SUZ12: variants seen among roughly 807,000 people sequenced by gnomAD.
The protein encoded by SUZ12 is polycomb protein SUZ12.
In SUZ12, 17 loss-of-function variants were observed where a neutral mutation model predicts 87.3. The ratio of observed to expected loss-of-function variants is 0.19; its 90% CI spans 0.13 to 0.29. The LOEUF (loss-of-function observed/expected upper bound fraction) is 0.29, where lower values mean the gene tolerates loss of function less well. SUZ12 is among the 10% of genes least tolerant of loss of function. SUZ12 has a pLI of 1.00. For missense variants in SUZ12, 526 were observed against 912.2 expected, an observed-to-expected ratio of 0.58 and a Z score of 5.45; for synonymous variants, 253 against 312.4, an observed-to-expected ratio of 0.81 and a Z score of 2.01.
intron 9 of SUZ12, among the ~76,000 whole-genome samples, chr17:31,983,760 G>A (rs2142195712): frequency 6.6e-6 from 1 of 152,296 alleles, no homozygotes; most frequent in Middle Eastern, 3.4e-3. Context: ...CATACAATAA[G>A]TGCTCAATAA....
At chr17:31,994,825 T>TG in intron 13 of SUZ12, 104 bp downstream of exon 13, 1 of 1,290,134 alleles carries the variant, frequency 7.8e-7, no homozygotes, top group South Asian at 1.5e-5. Flanking sequence ...GTGGAAATTA[T>TG]TATTTTTCAG....
At chr17:31,956,636 C>T (rs1006837119) in intron 4 of SUZ12, among the ~76,000 whole-genome samples, 4 of 152,028 alleles carry the variant, frequency 2.6e-5, no homozygotes, top group African/African-American at 9.7e-5. Flanking sequence ...GAGATATCAC[C>T]GAAAACCCTC....
chr17:31,948,077 C>G (rs1906737702), intron 4 of SUZ12, among the ~76,000 whole-genome samples: 1 of 152,098 alleles, frequency 6.6e-6, no homozygotes, highest in African/African-American at 2.4e-5. Context: ...AAGTTATTCT[C>G]AAATATGAGA....
chr17:31,969,370 A>G (rs1349970508), intron 5 of SUZ12, among the ~76,000 whole-genome samples: 1 of 151,942 alleles, frequency 6.6e-6, no homozygotes, highest in Non-Finnish European at 1.5e-5. Context: ...TGGTCTCTTG[A>G]ACTCCCGATC....
intron 8 of SUZ12, among the ~76,000 whole-genome samples, chr17:31,979,171 A>ATATC (rs1908949845): frequency 6.7e-6 from 1 of 150,086 alleles, no homozygotes; most frequent in Non-Finnish European, 1.5e-5. Flanking sequence ...AAGTCATTTA[A>ATATC]TATCCACATA....
At chr17:31,956,203 A>G (rs8078644) in intron 4 of SUZ12, among the ~76,000 whole-genome samples, 4,769 of 149,962 alleles carry the variant, frequency 0.032, 246 homozygotes, top group African/African-American at 0.11. Flanking sequence ...GTGAGCCACC[A>G]CGCCCAGCCA....
At chr17:31,983,567 A>C (rs1342626961) in intron 9 of SUZ12, among the ~76,000 whole-genome samples, 1 of 152,140 alleles carries the variant, frequency 6.6e-6, no homozygotes, top group Non-Finnish European at 1.5e-5. Flanking sequence ...GGCATGAGCC[A>C]CTGCACCCGG....
intron 3 of SUZ12, among the ~76,000 whole-genome samples, chr17:31,947,111 G>A (rs901122514): frequency 9.9e-5 from 15 of 152,198 alleles, no homozygotes; most frequent in Middle Eastern, 3.4e-3. Context: ...CTTAGTAGAC[G>A]TGTTAAGTGT....
At chr17:31,963,344 G>A (rs1164714410) in intron 4 of SUZ12, among the ~76,000 whole-genome samples, 16 of 151,806 alleles carry the variant, frequency 1.1e-4, no homozygotes, top group African/African-American at 3.4e-4. Flanking sequence ...GGGTTTCACC[G>A]TGTTAGCAAG....
intron 9 of SUZ12, among the ~76,000 whole-genome samples, chr17:31,987,124 G>C (rs1909462534): frequency 6.6e-6 from 1 of 152,096 alleles, no homozygotes; most frequent in East Asian, 1.9e-4. Flanking sequence ...AAAGGACTTG[G>C]TAATTGCATG....
intron 4 of SUZ12, among the ~76,000 whole-genome samples, chr17:31,963,609 G>A (rs1907887479): frequency 6.6e-6 from 1 of 150,944 alleles, no homozygotes; most frequent in South Asian, 2.1e-4. Flanking sequence ...TGATTCCTCT[G>A]ACCTTTGAGT....
chr17:31,996,916 C>A (rs777065244), intron 15 of SUZ12, 39 bp downstream of exon 15: 6 of 1,207,536 alleles, frequency 5.0e-6, no homozygotes, highest in Non-Finnish European at 6.6e-6. Context: ...TTTTATTATT[C>A]TTTATGGTCT....
At chr17:31,947,460 C>G (rs1323055457) in intron 3 of SUZ12, among the ~76,000 whole-genome samples, 157 bp from the exon 4 acceptor site, 1 of 152,074 alleles carries the variant, frequency 6.6e-6, no homozygotes, top group Non-Finnish European at 1.5e-5. Flanking sequence ...TACACCGTCT[C>G]CATAGTATTC....
chr17:31,947,929 G>T (rs1906728924), intron 4 of SUZ12, among the ~76,000 whole-genome samples: 1 of 152,072 alleles, frequency 6.6e-6, no homozygotes, highest in Non-Finnish European at 1.5e-5. Flanking sequence ...TTTATTACCA[G>T]TTTCTTCCAT....
chr17:31,937,039 G>GT lies in SUZ12; in HGVS notation c.-208_-207insT. Reference sequence around the variant, plus strand: ...GGCCAGGGTAGGGTGAGCGGCCTCCGAAGCGGAGCGGGGCTCTGAGGAGAC... The same window carrying GT: ...GGCCAGGGTAGGGTGAGCGGCCTCCGTAAGCGGAGCGGGGCTCTGAGGAGAC... On this transcript the variant is annotated 5_prime_UTR_variant, in exon 1 of 16. Transcript: ENST00000322652. 2.3e-6 allele frequency: 1 copy of GT among 435,026 alleles called. No homozygotes were observed. Among genetic ancestry groups the GT allele is most frequent in the Non-Finnish European group, 3.9e-6 (1 of 255,870 alleles). 26.9% of individuals were successfully genotyped at this position (435,026 alleles called of 1,614,324 possible).
chr17:31,943,492 T>G (rs1267090604), intron 3 of SUZ12, among the ~76,000 whole-genome samples: 4 of 152,102 alleles, frequency 2.6e-5, no homozygotes, highest in Non-Finnish European at 2.9e-5. Flanking sequence ...TTTGTGAGGG[T>G]AGGGGAGATA....
rs1156605035 is a variant in SUZ12 at position 31,999,452 on chromosome 17, G to A, written c.*449G>A. The A allele has an allele frequency of 4.3e-6, 1 of 231,198 alleles. No individual in the cohort carries two copies. Among genetic ancestry groups the A allele is most frequent in the Non-Finnish European group, 8.5e-6 (1 of 117,024 alleles). 14.3% of individuals were successfully genotyped at this position (231,198 alleles called of 1,614,324 possible). On this transcript the variant is annotated 3_prime_UTR_variant, in exon 16 of 16. Coordinates refer to ENST00000322652, the MANE Select transcript of SUZ12 (RefSeq NM_015355.4). ...TCTTCATATGTCAACTACAGAAAAG[G>A]AAAAAAATAGAAATTGAAGGATTTT...
chr17:31,972,211 G>A (rs576068348), intron 5 of SUZ12, among the ~76,000 whole-genome samples: 11 of 152,032 alleles, frequency 7.2e-5, no homozygotes, highest in Non-Finnish European at 1.2e-4. Context: ...CTTTAACCCG[G>A]GAGGCAGAAG....
intron 15 of SUZ12, among the ~76,000 whole-genome samples, chr17:31,998,161 G>T (rs2142221421): frequency 6.7e-6 from 1 of 149,426 alleles, no homozygotes; most frequent in East Asian, 2.0e-4. Flanking sequence ...CTCACTGCAA[G>T]CTCCACCTCC....
Sources: gnomAD v4.1 joint callset for allele counts (sites outside exome capture counted in the v4.1 genomes callset) on GRCh38, gnomAD v4.1.1 for gene constraint, MANE v1.5 for transcripts, NCBI Gene and HGNC (gene_info 2026-07-23, HGNC 2026-07-21) for gene names.